The following TTLL1 variants were observed in gnomAD, a reference collection of about 807,000 sequenced individuals.
TTLL1 encodes the protein polyglutamylase complex subunit TTLL1.
A neutral mutation model predicts 47.8 loss-of-function variants in TTLL1; 33 were observed. That is an observed-to-expected ratio of 0.69 (90% confidence interval 0.52 to 0.92). The LOEUF (loss-of-function observed/expected upper bound fraction) is 0.92. Among genes scored for constraint, TTLL1 ranks in the 40% least tolerant of loss-of-function variants. TTLL1 has a pLI of 0.00. For missense variants in TTLL1, 488 were observed against 547.5 expected (o/e 0.89, Z 1.08); for synonymous variants, 225 against 214.1 (o/e 1.05, Z -0.45).
At chr22:43,062,906 A>G (rs1447123926) in intron 7 of TTLL1, among the ~76,000 whole-genome samples, 1 of 152,212 alleles carries the variant, frequency 6.6e-6, no homozygotes, top group East Asian at 1.9e-4. Flanking sequence ...TGCTTAGAAC[A>G]CTTACAATAG....
intron 1 of TTLL1, among the ~76,000 whole-genome samples, chr22:43,087,500 G>C (rs1929299772): frequency 1.3e-5 from 2 of 150,168 alleles, no homozygotes; most frequent in South Asian, 2.1e-4. Context: ...CTCCAGCCCG[G>C]GCAACAGAGT....
chr22:43,047,625 C>T lies in TTLL1; in HGVS notation c.979-1052G>A, dbSNP rs558013475. Among the ~76,000 whole-genome samples the T allele has an allele frequency of 2.6e-5, 4 of 152,244 alleles. No homozygotes were observed. In the South Asian group the frequency reaches 6.2e-4, roughly 24 times the overall value. ...CTGGGATTACAGGCATGCACCACCACGCCTGGCTAATACTTGTATTTTCAG... is the reference window on the plus strand; with the variant it reads ...CTGGGATTACAGGCATGCACCACCATGCCTGGCTAATACTTGTATTTTCAG... On this transcript the variant is annotated intron_variant, in intron 9 of 10. Coordinates refer to ENST00000266254, the MANE Select transcript of TTLL1 (RefSeq NM_012263.5).
intron 3 of TTLL1, chr22:43,070,173 T>C: frequency 7.3e-7 from 1 of 1,372,746 alleles, no homozygotes; most frequent in Non-Finnish European, 9.7e-7. Context: ...AGATATACCC[T>C]TTTCAGACTC....
intron 1 of TTLL1, among the ~76,000 whole-genome samples, chr22:43,085,614 C>T (rs544020039): frequency 4.9e-4 from 75 of 152,280 alleles, no homozygotes; most frequent in African/African-American, 1.6e-3. Flanking sequence ...CTTCATCTTC[C>T]GCCATGATTG....
chr22:43,064,206 G>A lies in TTLL1; in HGVS notation c.622C>T (p.Pro208Ser). The change falls in exon 6 of 11, where the codon CCA (proline) becomes TCA (serine). Residue 208 changes from proline (P) to serine (S), a missense_variant. Pro to Ser is a moderately conservative substitution (Grantham distance 74). Transcript: ENST00000266254. ...RLYVLVSTYR[P>S]LRCYMYKLGF... Reference sequence around the variant, plus strand: ...GACGCTTACATGTAACAGCGCAGTGGACGGTACGTGGACACCAGAACGTAC... The same window carrying A: ...GACGCTTACATGTAACAGCGCAGTGAACGGTACGTGGACACCAGAACGTAC... 6.2e-7 allele frequency: 1 copy of A among 1,613,172 alleles called. No homozygotes were observed. Among genetic ancestry groups the A allele is most frequent in the Non-Finnish European group, 8.5e-7 (1 of 1,179,776 alleles).
intron 5 of TTLL1, among the ~76,000 whole-genome samples, chr22:43,067,921 A>G (rs1316540388): frequency 1.3e-5 from 2 of 150,284 alleles, no homozygotes; most frequent in South Asian, 2.1e-4. Flanking sequence ...CTCCTGCCTC[A>G]GCCTCCTGAG....
intron 1 of TTLL1, among the ~76,000 whole-genome samples, chr22:43,080,458 G>A (rs1928803500): frequency 6.6e-6 from 1 of 152,074 alleles, no homozygotes. Flanking sequence ...GCTCTTAAGA[G>A]TCTTCCCATT....
intron 7 of TTLL1, among the ~76,000 whole-genome samples, chr22:43,060,897 C>A (rs1425554477): frequency 1.3e-5 from 2 of 152,118 alleles, no homozygotes; most frequent in African/African-American, 2.4e-5. Context: ...GGAGAATTAA[C>A]CATATTTTAA....
At chr22:43,076,314 G>A (rs1928483632) in intron 2 of TTLL1, among the ~76,000 whole-genome samples, 1 of 152,006 alleles carries the variant, frequency 6.6e-6, no homozygotes. Flanking sequence ...AAATTAGCCG[G>A]GTGTGGTTGT....
intron 2 of TTLL1, among the ~76,000 whole-genome samples, chr22:43,076,141 T>C (rs1225831298): frequency 6.6e-6 from 1 of 152,208 alleles, no homozygotes; most frequent in Non-Finnish European, 1.5e-5. Flanking sequence ...AGTCACCCTC[T>C]GTAACTGCAG....
At chr22:43,066,375 C>T (rs1307683380) in intron 5 of TTLL1, among the ~76,000 whole-genome samples, 1 of 151,876 alleles carries the variant, frequency 6.6e-6, no homozygotes, top group Non-Finnish European at 1.5e-5. Flanking sequence ...CCCAGGAGTC[C>T]ACTCAGGGAA....
rs143306793 is a variant in TTLL1, at chr22:43,068,736, G to GCACAATCCCTGGGCAA, written c.323-162_323-147dup. ...AGCTAACAGAACAAGGGCCTCTGCT[G>GCACAATCCCTGGGCAA]CACAATCCCTGGGCAACACTCACAA... On this transcript the variant is annotated intron_variant, in intron 4 of 10. Coordinates refer to ENST00000266254, the MANE Select transcript of TTLL1 (RefSeq NM_012263.5). The GCACAATCCCTGGGCAA allele has an allele frequency of 4.2e-3, 2,576 of 608,546 alleles. 60 individuals are homozygous for GCACAATCCCTGGGCAA. The African/African-American group carries it at 0.044, about 10-fold the overall frequency. The allele number at this position is 608,546 out of a possible 1,614,324, so 37.7% of individuals were successfully genotyped here.
At chr22:43,069,523 C>T (rs2076154) in intron 4 of TTLL1, 113 bp downstream of exon 4, 225,945 of 1,536,112 alleles carry the variant, frequency 0.15, 27,782 homozygotes, top group East Asian at 0.67. Flanking sequence ...CACCACAACT[C>T]GCATGGACAT....
intron 7 of TTLL1, among the ~76,000 whole-genome samples, chr22:43,061,492 A>C (rs1330819739): frequency 1.3e-5 from 2 of 152,228 alleles, no homozygotes; most frequent in Admixed American, 6.5e-5. Context: ...GTTCTTCAGA[A>C]ATGCATATTT....
At chr22:43,050,915 T>C (rs1449543130) in intron 9 of TTLL1, among the ~76,000 whole-genome samples, 1 of 151,954 alleles carries the variant, frequency 6.6e-6, no homozygotes, top group Non-Finnish European at 1.5e-5. Flanking sequence ...GCATAAGGAG[T>C]TGCCTGGAAA....
rs550912803 is a variant in TTLL1, at chr22:43,069,923, C to T, written c.114-79G>A. ...TCCTTTGTTCCCGTCCCCGCAAACACCCTGAACCCTCAGCACCCTTCACCA... is the reference window on the plus strand; with the variant it reads ...TCCTTTGTTCCCGTCCCCGCAAACATCCTGAACCCTCAGCACCCTTCACCA... On this transcript the variant is annotated intron_variant, in intron 3 of 10. Transcript: ENST00000266254. 5 of 1,551,352 alleles carry T rather than the reference C, an allele frequency of 3.2e-6. No individual in the cohort carries two copies. The African/African-American group carries it at 5.4e-5, about 17-fold the overall frequency.
chr22:43,048,809 TA>T (rs1347751858), intron 9 of TTLL1, among the ~76,000 whole-genome samples: 1 of 150,748 alleles, frequency 6.6e-6, no homozygotes, highest in East Asian at 2.0e-4. Flanking sequence ...TGGTGGCAGT[TA>T]CCTGTAATCC....
intron 3 of TTLL1, among the ~76,000 whole-genome samples, chr22:43,070,826 C>A (rs957444785): frequency 6.6e-6 from 1 of 152,166 alleles, no homozygotes; most frequent in African/African-American, 2.4e-5. Context: ...CTGTAAGATT[C>A]TCTAACGGTT....
chr22:43,062,336 C>G (rs750870253), intron 7 of TTLL1, among the ~76,000 whole-genome samples: 1 of 151,222 alleles, frequency 6.6e-6, no homozygotes, highest in East Asian at 1.9e-4. Context: ...ACTAAAAATA[C>G]AAAAATTAGC....
Sources: allele counts gnomAD v4.1 joint callset (sites outside exome capture counted in the v4.1 genomes callset), GRCh38; gene constraint gnomAD v4.1.1; transcripts MANE v1.5; gene names NCBI Gene and HGNC (gene_info 2026-07-23, HGNC 2026-07-21).